The following ZCCHC24 variants were observed in gnomAD, a reference collection of about 807,000 sequenced individuals.
ZCCHC24 encodes zinc finger CCHC domain-containing protein 24.
A neutral mutation model predicts 26.2 loss-of-function variants in ZCCHC24; 10 were observed. The ratio of observed to expected loss-of-function variants is 0.38; its 90% CI spans 0.24 to 0.65. The LOEUF is 0.65. Ranked by LOEUF, ZCCHC24 falls within the 30% of genes least tolerant of loss-of-function variation. ZCCHC24 has a pLI of 0.54. For synonymous variants in ZCCHC24, 144 were observed against 147.1 expected (o/e 0.98, Z 0.15); for missense variants, 243 against 329.1 (o/e 0.74, Z 2.03).
At chr10:79,392,679 A>G (rs1856495201) in intron 3 of ZCCHC24, among the ~76,000 whole-genome samples, 1 of 152,118 alleles carries the variant, frequency 6.6e-6, no homozygotes, top group Non-Finnish European at 1.5e-5. Context: ...AAGAGAGTGG[A>G]CAATGAGGCA....
chr10:79,389,748 T>C (rs1856451189), intron 3 of ZCCHC24, among the ~76,000 whole-genome samples: 1 of 152,026 alleles, frequency 6.6e-6, no homozygotes, highest in Non-Finnish European at 1.5e-5. Flanking sequence ...CCCAAGTAGC[T>C]GGGATTACAG....
intron 2 of ZCCHC24, among the ~76,000 whole-genome samples, chr10:79,423,766 C>T (rs919224400): frequency 6.7e-5 from 10 of 150,262 alleles, no homozygotes; most frequent in Admixed American, 4.0e-4. Flanking sequence ...GCCTATAATT[C>T]CAGCATTTTG....
At chr10:79,423,539 A>G (rs1009139463) in intron 2 of ZCCHC24, among the ~76,000 whole-genome samples, 1 of 121,116 alleles carries the variant, frequency 8.3e-6, no homozygotes, top group Non-Finnish European at 1.8e-5. Context: ...TGACAGAGTG[A>G]GACTCCATCT....
At chr10:79,410,994 G>C (rs1446823990) in intron 2 of ZCCHC24, among the ~76,000 whole-genome samples, 1 of 152,174 alleles carries the variant, frequency 6.6e-6, no homozygotes. Context: ...GGTTGCCCTG[G>C]CTCTGACTGG....
intron 2 of ZCCHC24, among the ~76,000 whole-genome samples, chr10:79,424,520 A>G (rs1367979715): frequency 1.3e-5 from 2 of 152,028 alleles, no homozygotes; most frequent in Non-Finnish European, 2.9e-5. Flanking sequence ...CCTCCCCTTC[A>G]GCTTCTGCTC....
chr10:79,392,005 A>G (rs1856485852), intron 3 of ZCCHC24, among the ~76,000 whole-genome samples: 2 of 149,124 alleles, frequency 1.3e-5, no homozygotes. Flanking sequence ...CTTCCATTCC[A>G]CTGGCTCCCA....
At chr10:79,386,593 C>T (rs1798007347) in intron 3 of ZCCHC24, 135 bp from the exon 4 acceptor site, 1 of 637,142 alleles carries the variant, frequency 1.6e-6, no homozygotes, top group South Asian at 2.0e-5. Context: ...CAGAGAGGCA[C>T]ACCTCTGCAG....
intron 1 of ZCCHC24, chr10:79,443,993 T>C: frequency 7.5e-7 from 1 of 1,333,024 alleles, no homozygotes; most frequent in Non-Finnish European, 9.9e-7. Context: ...AATGGCAGAG[T>C]TGAACTCAAG....
chr10:79,422,234 C>A (rs1297951936), intron 2 of ZCCHC24, among the ~76,000 whole-genome samples: 2 of 152,004 alleles, frequency 1.3e-5, no homozygotes, highest in Non-Finnish European at 2.9e-5. Flanking sequence ...TAGCCTCAGT[C>A]CTTTTTGGCC....
At chr10:79,401,778 G>A (rs530184772) in intron 2 of ZCCHC24, among the ~76,000 whole-genome samples, 50 of 152,314 alleles carry the variant, frequency 3.3e-4, no homozygotes, top group Non-Finnish European at 6.8e-4. Flanking sequence ...GCACAAGGCC[G>A]ACCCCACCGT....
intron 2 of ZCCHC24, among the ~76,000 whole-genome samples, chr10:79,432,031 C>A (rs2132217859): frequency 6.6e-6 from 1 of 152,352 alleles, no homozygotes; most frequent in Admixed American, 6.5e-5. Flanking sequence ...CCTGCAGTGC[C>A]TGAAGCCTTC....
intron 2 of ZCCHC24, among the ~76,000 whole-genome samples, chr10:79,400,015 G>A (rs2132183198): frequency 6.6e-6 from 1 of 152,296 alleles, no homozygotes; most frequent in East Asian, 1.9e-4. Flanking sequence ...TGACTCTGGA[G>A]GCACTTCCAA....
Position 79,445,221 on chromosome 10 carries a change from T to C in ZCCHC24, c.220A>G (p.Ser74Gly), listed in dbSNP as rs1857348986. 4.5e-6 allele frequency: 6 copies of C among 1,320,138 alleles called. No individual in the cohort carries two copies. The East Asian group carries it at 1.9e-4, about 41-fold the overall frequency. The allele number at this position is 1,320,138 out of a possible 1,614,324, so 81.8% of individuals were successfully genotyped here. ...GSPLHSSYLNSFFQLQRGEAL... is the reference protein window; with the variant it reads ...GSPLHSSYLNGFFQLQRGEAL... ...TCTCCGCGCTGCAGCTGGAAGAAGC[T>C]GTTGAGATAGCTGGAGTGCAGGGGC... The change falls in exon 1 of 4, where the codon AGC becomes GGC. Residue 74 changes from serine to glycine, a missense_variant. By Grantham distance (56) the Ser-to-Gly change is moderately conservative (BLOSUM62 0). Coordinates refer to ENST00000372336, the MANE Select transcript of ZCCHC24 (RefSeq NM_153367.4).
chr10:79,394,597 A>G (rs1856520441), intron 2 of ZCCHC24, 157 bp from the exon 3 acceptor site: 1 of 985,484 alleles, frequency 1.0e-6, no homozygotes, highest in African/African-American at 1.7e-5. Flanking sequence ...TCATCCCCAG[A>G]GCACAGACGG....
chr10:79,409,873 G>A (rs1025388054), intron 2 of ZCCHC24, among the ~76,000 whole-genome samples: 1 of 152,212 alleles, frequency 6.6e-6, no homozygotes, highest in Non-Finnish European at 1.5e-5. Flanking sequence ...GGGAGGACGG[G>A]GGCTCTCAAG....
intron 3 of ZCCHC24, among the ~76,000 whole-genome samples, chr10:79,391,905 G>A (rs750707941): frequency 1.5e-4 from 23 of 149,632 alleles, no homozygotes; most frequent in Non-Finnish European, 3.4e-4. Context: ...CTACCTCATC[G>A]ACAGTGACCT....
intron 2 of ZCCHC24, among the ~76,000 whole-genome samples, chr10:79,419,528 C>T (rs56024039): frequency 0.075 from 11,386 of 152,184 alleles, 488 homozygotes; most frequent in East Asian, 0.16. Context: ...GTCTTCACAG[C>T]AAAGGGCACT....
chr10:79,399,915 T>A (rs1856608193), intron 2 of ZCCHC24, among the ~76,000 whole-genome samples: 1 of 152,134 alleles, frequency 6.6e-6, no homozygotes, highest in South Asian at 2.1e-4. Flanking sequence ...GAGCTGCCTT[T>A]TACTGGGGGT....
At chr10:79,442,857 A>G (rs1038557426) in intron 1 of ZCCHC24, among the ~76,000 whole-genome samples, 5 of 152,006 alleles carry the variant, frequency 3.3e-5, no homozygotes, top group Non-Finnish European at 5.9e-5. Context: ...TGAGGCTTTG[A>G]GAGGGTTTAG....
Sources: allele counts gnomAD v4.1 joint callset (sites outside exome capture counted in the v4.1 genomes callset), GRCh38; gene constraint gnomAD v4.1.1; transcripts MANE v1.5; gene names NCBI Gene and HGNC (gene_info 2026-07-23, HGNC 2026-07-21).